CCDC141: variants seen among roughly 807,000 people sequenced by gnomAD.
CCDC141 encodes coiled-coil domain-containing protein 141.
In CCDC141, 168 loss-of-function variants were observed where a neutral mutation model predicts 181.0. That is an observed-to-expected ratio of 0.93 (90% CI 0.82 to 1.05). The LOEUF is 1.05. CCDC141 is among the 50% of genes least tolerant of loss of function. The probability of loss-of-function intolerance (pLI) is 0.00; values close to 1 mark genes in which losing one functional copy is unlikely to be tolerated. For missense variants in CCDC141, 1,902 were observed against 1,788.5 expected (o/e 1.06, Z -1.14); for synonymous variants, 666 against 642.3 (o/e 1.04, Z -0.56).
intron 9 of CCDC141, 69 bp from the exon 10 acceptor site, chr2:178,886,940 G>T: frequency 3.4e-6 from 3 of 893,064 alleles, no homozygotes; most frequent in Non-Finnish European, 4.6e-6. Flanking sequence ...ACATGTGTCA[G>T]GAAGATAAAT....
chr2:178,996,772 C>T (rs1692306955), intron 2 of CCDC141, among the ~76,000 whole-genome samples: 1 of 152,276 alleles, frequency 6.6e-6, no homozygotes, highest in South Asian at 2.1e-4. Flanking sequence ...CCAGAACATT[C>T]TTGCAGAACC....
chr2:178,944,246 T>A (rs1575248227), intron 6 of CCDC141, among the ~76,000 whole-genome samples: 1 of 152,344 alleles, frequency 6.6e-6, no homozygotes, highest in Non-Finnish European at 1.5e-5. Context: ...AGGGGTTTTA[T>A]GATAATTTAG....
intron 2 of CCDC141, among the ~76,000 whole-genome samples, chr2:178,991,432 T>G (rs1379229847): frequency 6.6e-6 from 1 of 152,050 alleles, no homozygotes; most frequent in Non-Finnish European, 1.5e-5. Flanking sequence ...TCTTCAAAAT[T>G]TTTTTTAACT....
At chr2:178,990,537 G>A (rs1691999414) in intron 2 of CCDC141, among the ~76,000 whole-genome samples, 1 of 122,884 alleles carries the variant, frequency 8.1e-6, no homozygotes, top group South Asian at 3.1e-4. Flanking sequence ...AGAGAGAGAG[G>A]AAGGAAGGAA....
rs888858633 is a variant in CCDC141, at chr2:178,878,114, T to C, written c.1749A>G (p.Glu583=). ...EVEMQFQSLK[E]FYETEIPQKE... is the part of the protein sequence containing the mutation. ...TCTGAGGGATTTCGGTTTCATAAAA[T>C]TCTTTTAAGCTCTGAAACTGCATCT... Residue 583 remains glutamate (E), a synonymous_variant, in exon 12 of 24, where the codon GAA becomes GAG. Transcript: ENST00000443758. 6.2e-7 allele frequency: 1 copy of C among 1,607,496 alleles called. No individual in the cohort carries two copies. Among genetic ancestry groups the C allele is most frequent in the Non-Finnish European group, 8.5e-7 (1 of 1,178,600 alleles).
intron 22 of CCDC141, among the ~76,000 whole-genome samples, chr2:178,841,714 G>A (rs1364874210): frequency 6.6e-6 from 1 of 151,876 alleles, no homozygotes; most frequent in Non-Finnish European, 1.5e-5. Flanking sequence ...GCACAATCTC[G>A]GCTCACTACA....
At chr2:178,840,668 C>T (rs1234433357) in intron 22 of CCDC141, among the ~76,000 whole-genome samples, 1 of 152,148 alleles carries the variant, frequency 6.6e-6, no homozygotes, top group Non-Finnish European at 1.5e-5. Flanking sequence ...GGACTGGGTA[C>T]ATATTTAATC....
chr2:178,851,231 C>T (rs1685154264), intron 20 of CCDC141, among the ~76,000 whole-genome samples: 1 of 145,540 alleles, frequency 6.9e-6, no homozygotes, highest in Non-Finnish European at 1.5e-5. Flanking sequence ...AAAAGGACTT[C>T]TTTAGGTGAC....
At chr2:179,010,307 G>A (rs189364606) in intron 2 of CCDC141, among the ~76,000 whole-genome samples, 1 of 152,214 alleles carries the variant, frequency 6.6e-6, no homozygotes, top group Non-Finnish European at 1.5e-5. Flanking sequence ...AGAACATCCA[G>A]GAAATTCATT....
intron 11 of CCDC141, among the ~76,000 whole-genome samples, chr2:178,880,457 T>A (rs1686544618): frequency 6.6e-6 from 1 of 152,012 alleles, no homozygotes; most frequent in Non-Finnish European, 1.5e-5. Context: ...GAAGATGACG[T>A]CATTAAGCTG....
At chr2:178,877,886 G>A (rs1686417017) in intron 12 of CCDC141, 78 bp downstream of exon 12, 3 of 1,379,132 alleles carry the variant, frequency 2.2e-6, no homozygotes, top group Non-Finnish European at 2.1e-6. Flanking sequence ...TTAATAGACA[G>A]CTGAACCTTT....
In CCDC141 at chr2:178,847,780, T is replaced by C. The variant is rs367656346; in HGVS notation, c.3358-2038A>G. On this transcript the variant is annotated intron_variant, in intron 21 of 23. Coordinates refer to ENST00000443758, the MANE Select transcript of CCDC141 (RefSeq NM_173648.4). Reference sequence around the variant, plus strand: ...AAAATCCACATCCTTAAGGCGATAGTATTAGGAGATGATGCCTTTGGGAAG... The same window carrying C: ...AAAATCCACATCCTTAAGGCGATAGCATTAGGAGATGATGCCTTTGGGAAG... Among the ~76,000 whole-genome samples, 7 of 152,264 alleles carry C rather than the reference T, an allele frequency of 4.6e-5. No individual in the cohort carries two copies. In the East Asian group the frequency reaches 1.4e-3, roughly 29 times the overall value.
At chr2:178,881,464 G>A (rs969493214) in intron 11 of CCDC141, among the ~76,000 whole-genome samples, 27 of 152,134 alleles carry the variant, frequency 1.8e-4, no homozygotes, top group African/African-American at 6.3e-4. Flanking sequence ...AGGTGAGAGT[G>A]GGTAACTGGG....
rs542245956 is a variant in CCDC141, at chr2:178,989,270, T to C, written c.226-10595A>G. 1.4e-4 allele frequency among the ~76,000 whole-genome samples: 21 copies of C among 152,120 alleles called. 1 individual carries two copies. In the South Asian group the frequency reaches 4.4e-3, roughly 32 times the overall value. ...GATATATCTGATAAGCATCTAGTAT[T>C]CAGAATATACAAAGAGCTCTTTCAA... On this transcript the variant is annotated intron_variant, in intron 2 of 23. Transcript: ENST00000443758.
the CCDC141 span, among the ~76,000 whole-genome samples, chr2:178,824,688 C>T: frequency 1.3e-5 from 2 of 148,634 alleles, no homozygotes; most frequent in African/African-American, 5.0e-5. Context: ...TTAGACTGTG[C>T]TCCTGACTTG....
rs867086004 is a variant in CCDC141, at chr2:178,905,999, C to G, written c.1093-498G>C. Reference sequence around the variant, plus strand: ...AAGAAATTATGAATGTCCTTTTTTTCTCTTGCTTTTGCAGATATAAGACCT... The same window carrying G: ...AAGAAATTATGAATGTCCTTTTTTTGTCTTGCTTTTGCAGATATAAGACCT... On this transcript the variant is annotated intron_variant, in intron 7 of 23. Transcript: ENST00000443758. 1.1e-3 allele frequency among the ~76,000 whole-genome samples: 164 copies of G among 152,008 alleles called. 2 individuals are homozygous for G. The highest frequency in any genetic ancestry group is 2.0e-3 in the Admixed American group (31 of 15,286).
intron 21 of CCDC141, among the ~76,000 whole-genome samples, chr2:178,848,933 G>A (rs1685050478): frequency 6.6e-6 from 1 of 152,106 alleles, no homozygotes; most frequent in Non-Finnish European, 1.5e-5. Context: ...AAACCTGATT[G>A]TAGAATTTAT....
intron 6 of CCDC141, among the ~76,000 whole-genome samples, chr2:178,928,227 G>A (rs1024561559): frequency 1.9e-4 from 29 of 152,186 alleles, no homozygotes; most frequent in African/African-American, 6.8e-4. Context: ...GATGAGTGCA[G>A]TTTTGGGTGA....
At chr2:179,007,019 A>G (rs1213988986) in intron 2 of CCDC141, among the ~76,000 whole-genome samples, 1 of 152,186 alleles carries the variant, frequency 6.6e-6, no homozygotes, top group Non-Finnish European at 1.5e-5. Context: ...GGCCAGCTCC[A>G]TAAGAGTTGC....
Sources: allele counts gnomAD v4.1 joint callset (sites outside exome capture counted in the v4.1 genomes callset), GRCh38; gene constraint gnomAD v4.1.1; transcripts MANE v1.5; gene names NCBI Gene and HGNC (gene_info 2026-07-23, HGNC 2026-07-21).